The following RGPD2 variants were observed in gnomAD, a reference collection of about 807,000 sequenced individuals.
RGPD2 encodes the protein RANBP2-like and GRIP domain-containing protein 2.
In RGPD2, 2 loss-of-function variants were observed where a neutral mutation model predicts 36.0. The ratio of observed to expected loss-of-function variants is 0.06; its 90% confidence interval spans 0.02 to 0.17. RGPD2 has a LOEUF of 0.17. Ranked by LOEUF, RGPD2 falls within the 10% of genes least tolerant of loss-of-function variation. The pLI is 1.00. For missense variants in RGPD2, 40 were observed against 464.3 expected (o/e 0.09, Z 8.40); for synonymous variants, 19 against 163.8 (o/e 0.12, Z 6.75).
At chr2:87,842,756 A>G in the RGPD2 span, among the ~76,000 whole-genome samples, 22 of 146,784 alleles carry the variant, frequency 1.5e-4, no homozygotes, top group African/African-American at 3.8e-4. Flanking sequence ...TCGCCAAGTT[A>G]ATCCTAAGCC....
the RGPD2 span, among the ~76,000 whole-genome samples, chr2:87,985,345 C>G: frequency 1.3e-5 from 2 of 150,328 alleles, no homozygotes; most frequent in Non-Finnish European, 3.0e-5. Flanking sequence ...CAATGTTAAA[C>G]AAGGAGTCAG....
rs1302592551 is a variant in RGPD2 at position 87,825,448 on chromosome 2, CAGGCCG to C, written c.72+204_72+209del. 8.8e-4 allele frequency among the ~76,000 whole-genome samples: 96 copies of C among 109,180 alleles called. 1 individual carries two copies. The highest frequency in any genetic ancestry group is 1.9e-3 in the African/African-American group (64 of 33,030). 71.6% of individuals were successfully genotyped at this position (109,180 alleles called of 152,430 possible). On this transcript the variant is annotated intron_variant, in intron 1 of 22. Transcript: ENST00000398146. The stretch of plus-strand genomic sequence containing the variant: ...GCCGCCGCCGCCGCCGCCGCCCGGC[CAGGCCG>C]AGGCCGAGGCCGAGGCCGCCGTCGC...
At chr2:87,888,437 G>GA in the RGPD2 span, among the ~76,000 whole-genome samples, 3 of 127,102 alleles carry the variant, frequency 2.4e-5, no homozygotes, top group African/African-American at 6.0e-5. Flanking sequence ...TTTCTTTGTA[G>GA]AAAAAAATAT....
the RGPD2 span, among the ~76,000 whole-genome samples, chr2:87,988,541 A>ATATATATT: frequency 2.5e-3 from 137 of 54,148 alleles, 4 homozygotes; most frequent in Middle Eastern, 0.012. Flanking sequence ...ATATATATAT[A>ATATATATT]TTTTTTTTTT....
At chr2:87,922,361 A>G in the RGPD2 span, among the ~76,000 whole-genome samples, 1 of 151,712 alleles carries the variant, frequency 6.6e-6, no homozygotes, top group African/African-American at 2.4e-5. Flanking sequence ...ACATATTATA[A>G]AGTTCATTAC....
chr2:87,907,466 ATTGTGGGTAT>A, the RGPD2 span, among the ~76,000 whole-genome samples: 2 of 4,368 alleles, frequency 4.6e-4, no homozygotes, highest in Admixed American at 3.3e-3. Flanking sequence ...AAAAAAAAGA[ATTGTGGGTAT>A]GAAATAGGAA....
At chr2:87,887,317 C>T in the RGPD2 span, among the ~76,000 whole-genome samples, 2 of 151,148 alleles carry the variant, frequency 1.3e-5, no homozygotes, top group Admixed American at 1.3e-4. Flanking sequence ...CGTGTGTTTT[C>T]TAAGTGTTCT....
At chr2:87,798,792 C>T (rs1160657890) in intron 8 of RGPD2, among the ~76,000 whole-genome samples, 2 of 117,814 alleles carry the variant, frequency 1.7e-5, no homozygotes, top group African/African-American at 3.0e-5. Context: ...GGCGTGAACC[C>T]GGGAGGCGGA....
chr2:87,945,166 G>A, the RGPD2 span, among the ~76,000 whole-genome samples: 13 of 152,324 alleles, frequency 8.5e-5, no homozygotes, highest in African/African-American at 2.6e-4. Flanking sequence ...TATGTGGGAA[G>A]CAATGTATCT....
intron 7 of RGPD2, among the ~76,000 whole-genome samples, chr2:87,806,140 C>T (rs1399295250): frequency 6.8e-6 from 1 of 146,088 alleles, no homozygotes; most frequent in African/African-American, 2.5e-5. Flanking sequence ...TCCAGCCTGG[C>T]AACAGAGAGA....
chr2:87,909,080 C>T, the RGPD2 span, among the ~76,000 whole-genome samples: 1 of 148,720 alleles, frequency 6.7e-6, no homozygotes, highest in Non-Finnish European at 1.5e-5. Flanking sequence ...ATCAAAGGTC[C>T]TAAGAGTCAG....
the RGPD2 span, among the ~76,000 whole-genome samples, chr2:87,869,694 G>A: frequency 6.6e-6 from 1 of 151,978 alleles, no homozygotes; most frequent in Non-Finnish European, 1.5e-5. Context: ...TCCTGGATTA[G>A]CACTGGTATC....
the RGPD2 span, among the ~76,000 whole-genome samples, chr2:87,846,018 TATC>T: frequency 2.0e-5 from 3 of 151,348 alleles, no homozygotes; most frequent in Admixed American, 6.6e-5. Flanking sequence ...ATACTTTTCT[TATC>T]ATTCATTTTT....
At chr2:87,988,470 G>A in the RGPD2 span, among the ~76,000 whole-genome samples, 1 of 123,326 alleles carries the variant, frequency 8.1e-6, no homozygotes, top group Non-Finnish European at 1.7e-5. Flanking sequence ...AGTCGCTTAG[G>A]CTTCCAGTTT....
At chr2:87,929,034 G>GGAGA in the RGPD2 span, among the ~76,000 whole-genome samples, 1 of 151,906 alleles carries the variant, frequency 6.6e-6, no homozygotes, top group African/African-American at 2.4e-5. Context: ...CCTTGGCTGT[G>GGAGA]GAGAAGCTCT....
the RGPD2 span, among the ~76,000 whole-genome samples, chr2:87,844,623 A>G: frequency 6.6e-6 from 1 of 151,774 alleles, no homozygotes; most frequent in African/African-American, 2.4e-5. Context: ...TCATGTGGAG[A>G]TACATTATAT....
At position 87,769,758 on chromosome 2, in the gene RGPD2, T is replaced by C. The variant is rs572555562; in HGVS notation, c.5236+2411A>G. 1.3e-3 allele frequency among the ~76,000 whole-genome samples: 200 copies of C among 151,114 alleles called. 2 individuals are homozygous for C. The highest frequency in any genetic ancestry group is 4.7e-3 in the African/African-American group (195 of 41,408). Reference sequence around the variant, plus strand: ...TTAATTTTATAACTATAAAATTAGTTATAATTTTGAGATTTCTGTCTTGTT... The same window carrying C: ...TTAATTTTATAACTATAAAATTAGTCATAATTTTGAGATTTCTGTCTTGTT... On this transcript the variant is annotated intron_variant, in intron 22 of 22. Coordinates refer to ENST00000398146, the MANE Select transcript of RGPD2 (RefSeq NM_001078170.3).
At chr2:87,974,798 A>G in the RGPD2 span, among the ~76,000 whole-genome samples, 2 of 152,232 alleles carry the variant, frequency 1.3e-5, no homozygotes, top group South Asian at 2.1e-4. Context: ...TTCTAACACC[A>G]ATCAAACCAT....
At chr2:87,840,034 A>G in the RGPD2 span, among the ~76,000 whole-genome samples, 1 of 148,450 alleles carries the variant, frequency 6.7e-6, no homozygotes, top group African/African-American at 2.5e-5. Context: ...TACTGAATTT[A>G]AGAGTATCCC....
Sources: allele counts gnomAD v4.1 joint callset (sites outside exome capture counted in the v4.1 genomes callset), GRCh38; gene constraint gnomAD v4.1.1; transcripts MANE v1.5; gene names NCBI Gene and HGNC (gene_info 2026-07-23, HGNC 2026-07-21).